Variants in ARHGEF4 observed in about 807,000 individuals in gnomAD.
ARHGEF4 encodes the protein Rho guanine nucleotide exchange factor 4.
In ARHGEF4, 119 loss-of-function variants were observed where a neutral mutation model predicts 162.0. The observed-to-expected ratio is 0.73, with a 90% CI of 0.63 to 0.86. The LOEUF (loss-of-function observed/expected upper bound fraction) is 0.86, where lower values mean the gene tolerates loss of function less well. Among genes scored for constraint, ARHGEF4 ranks in the 40% least tolerant of loss-of-function variants. ARHGEF4 has a pLI of 0.00. For synonymous variants in ARHGEF4, 1,014 were observed against 979.9 expected (o/e 1.03, Z -0.65); for missense variants, 2,488 against 2,456.0 (o/e 1.01, Z -0.28).
chr2:130,850,298 T>C (rs1353860290), intron 1 of ARHGEF4, among the ~76,000 whole-genome samples: 1 of 152,212 alleles, frequency 6.6e-6, no homozygotes, highest in African/African-American at 2.4e-5. Flanking sequence ...GCTGTGTCCC[T>C]GGTACCCCTC....
At chr2:130,906,390 A>G (rs1680813903) in intron 1 of ARHGEF4, among the ~76,000 whole-genome samples, 1 of 152,222 alleles carries the variant, frequency 6.6e-6, no homozygotes, top group South Asian at 2.1e-4. Flanking sequence ...CTGCCTATTG[A>G]TCTGTGTGTG....
At chr2:130,856,498 G>A (rs1161887878) in intron 1 of ARHGEF4, among the ~76,000 whole-genome samples, 2 of 152,190 alleles carry the variant, frequency 1.3e-5, no homozygotes, top group African/African-American at 2.4e-5. Flanking sequence ...AAATTCCTCA[G>A]GCTGAGAGCA....
chr2:130,918,800 C>CG (rs753471881), intron 2 of ARHGEF4, among the ~76,000 whole-genome samples: 7 of 152,316 alleles, frequency 4.6e-5, no homozygotes, highest in Middle Eastern at 3.4e-3. Flanking sequence ...TGTATCTCTA[C>CG]GCAGTTAAAC....
Position 131,038,833 on chromosome 2 carries a change from G to A in ARHGEF4, c.4126-20G>A. 1.3e-6 allele frequency: 2 copies of A among 1,590,264 alleles called. No homozygotes were observed. The highest frequency in any genetic ancestry group is 1.1e-5 in the South Asian group (1 of 89,210). On this transcript the variant is annotated intron_variant, in intron 5 of 13. Coordinates refer to ENST00000409359, the MANE Select transcript of ARHGEF4 (RefSeq NM_001367493.1). Reference sequence around the variant, plus strand: ...GGCAGCCTCCCCCACTGACCCGCCTGCCCGTGGCTCTCTCGGCAGCTCATC... The same window carrying A: ...GGCAGCCTCCCCCACTGACCCGCCTACCCGTGGCTCTCTCGGCAGCTCATC...
At chr2:131,011,568 C>T (rs1337577605) in intron 4 of ARHGEF4, 1 of 1,460,958 alleles carries the variant, frequency 6.8e-7, no homozygotes, top group Non-Finnish European at 9.1e-7. Flanking sequence ...CCATATCAGC[C>T]ACTTTGGACA....
At chr2:131,008,661 T>C (rs1688274905) in intron 4 of ARHGEF4, among the ~76,000 whole-genome samples, 1 of 152,186 alleles carries the variant, frequency 6.6e-6, no homozygotes, top group African/African-American at 2.4e-5. Flanking sequence ...AATCCTATCT[T>C]TATTATTGGC....
At chr2:130,848,626 C>T (rs1259247114) in intron 1 of ARHGEF4, among the ~76,000 whole-genome samples, 1 of 152,202 alleles carries the variant, frequency 6.6e-6, no homozygotes, top group Non-Finnish European at 1.5e-5. Context: ...GAGGACAGCG[C>T]TTGAGTGATC....
At position 130,946,621 on chromosome 2, in the gene ARHGEF4, A is replaced by G. The variant is rs1280796278; in HGVS notation, c.3971A>G (p.His1324Arg). 1 of 1,614,066 alleles carries G rather than the reference A, an allele frequency of 6.2e-7. No individual in the cohort carries two copies. Among genetic ancestry groups the G allele is most frequent in the Non-Finnish European group, 8.5e-7 (1 of 1,179,956 alleles). ...CTGAACCACATGGGCTGGCCAGAGC[A>G]CACACCAGGCACTGGTGAGTTACGC... ...TGLNHMGWPE[H>R]TPGTAMPDGA... The change falls in exon 4 of 14, where the codon CAC becomes CGC. Residue 1324 changes from histidine to arginine, a missense_variant. By Grantham distance (29) the His-to-Arg change is conservative. This residue lies in a region of ARHGEF4 where 1,642 missense variants were observed against 1,481.5 expected (regional missense o/e 1.11). Coordinates refer to ENST00000409359, the MANE Select transcript of ARHGEF4 (RefSeq NM_001367493.1).
At chr2:131,012,866 C>T (rs1688547550) in intron 4 of ARHGEF4, among the ~76,000 whole-genome samples, 1 of 152,200 alleles carries the variant, frequency 6.6e-6, no homozygotes, top group South Asian at 2.1e-4. Flanking sequence ...GAGGCGTGAG[C>T]CACCGCGCCT....
chr2:131,045,483 G>A (rs201451510), intron 13 of ARHGEF4, 37 bp downstream of exon 13: 30 of 1,613,570 alleles, frequency 1.9e-5, no homozygotes, highest in Non-Finnish European at 2.3e-5. Context: ...CGGCTGCCCG[G>A]TCCTTACCCT....
chr2:130,993,479 G>T (rs1361054767), intron 4 of ARHGEF4, among the ~76,000 whole-genome samples: 2 of 151,990 alleles, frequency 1.3e-5, no homozygotes, highest in Non-Finnish European at 2.9e-5. Flanking sequence ...ATTTCATTTA[G>T]GTCAAATCTC....
intron 4 of ARHGEF4, among the ~76,000 whole-genome samples, chr2:130,998,809 C>T (rs534372404): frequency 8.2e-4 from 125 of 152,274 alleles, no homozygotes; most frequent in African/African-American, 2.8e-3. Flanking sequence ...AACATGTTTT[C>T]GACTCGTTTG....
rs1297667715 is a variant in ARHGEF4 at position 130,916,025 on chromosome 2, A to T, written c.2079A>T (p.Ala693=). The T allele has an allele frequency of 6.4e-7, 1 of 1,550,482 alleles. No individual in the cohort carries two copies. ...CCGGTAATGAGTGTGAGTTGCCAGC[A>T]GCCCCCATACAGGGAGCTGGCGATG... ...TPAGNECELP[A]APIQGAGDGA... Residue 693 remains alanine, a synonymous_variant, in exon 2 of 14, where the codon GCA becomes GCT. Coordinates refer to ENST00000409359, the MANE Select transcript of ARHGEF4 (RefSeq NM_001367493.1).
intron 10 of ARHGEF4, 62 bp downstream of exon 10, chr2:131,042,006 T>A (rs1690854077): frequency 1.3e-6 from 2 of 1,562,950 alleles, no homozygotes; most frequent in South Asian, 2.4e-5. Flanking sequence ...AAAATCATGC[T>A]TGCCCCTGAA....
intron 1 of ARHGEF4, among the ~76,000 whole-genome samples, chr2:130,911,743 C>T (rs992951753): frequency 1.3e-5 from 2 of 152,114 alleles, no homozygotes; most frequent in Non-Finnish European, 2.9e-5. Flanking sequence ...GCCAAAATAA[C>T]CTGGAACTCA....
intron 1 of ARHGEF4, among the ~76,000 whole-genome samples, chr2:130,850,205 C>A (rs1480935309): frequency 3.3e-5 from 5 of 152,168 alleles, no homozygotes; most frequent in Admixed American, 3.3e-4. Flanking sequence ...AGGGAGGGGG[C>A]AGCCTCTCTA....
Position 130,838,960 on chromosome 2 carries a change from G to A in ARHGEF4, c.39+1968G>A, listed in dbSNP as rs78911378. On this transcript the variant is annotated intron_variant, in intron 1 of 13. Coordinates refer to ENST00000409359, the MANE Select transcript of ARHGEF4 (RefSeq NM_001367493.1). Reference sequence around the variant, plus strand: ...TGTGAAAGTATTCCTGACACACACGGTCCTCCAGTTCCCCATCTATTCAGA... The same window carrying A: ...TGTGAAAGTATTCCTGACACACACGATCCTCCAGTTCCCCATCTATTCAGA... Among the ~76,000 whole-genome samples the A allele has an allele frequency of 8.2e-3, 1,249 of 152,226 alleles. 14 individuals carry two copies. Among genetic ancestry groups the A allele is most frequent in the African/African-American group, 0.027 (1,110 of 41,534 alleles).
rs1250491923 is a variant in ARHGEF4, at chr2:131,040,117, G to A, written c.4407G>A (p.Gln1469=). 1 of 1,612,990 alleles carries A rather than the reference G, an allele frequency of 6.2e-7. No individual in the cohort carries two copies. The highest frequency in any genetic ancestry group is 8.5e-7 in the Non-Finnish European group (1 of 1,179,626). ...GGAEAQSSKD[Q]MRTNVINEIL... ...CGGAGGCGCAGAGCAGCAAGGACCA[G>A]ATGCGGACCAACGTCATCAACGAGA... Residue 1469 remains glutamine, a synonymous_variant, in exon 7 of 14, where the codon CAG becomes CAA. Coordinates refer to ENST00000409359, the MANE Select transcript of ARHGEF4 (RefSeq NM_001367493.1).
intron 1 of ARHGEF4, among the ~76,000 whole-genome samples, chr2:130,880,631 C>T (rs1029905415): frequency 1.3e-5 from 2 of 152,180 alleles, no homozygotes; most frequent in African/African-American, 4.8e-5. Flanking sequence ...AGCTCCTGGA[C>T]TCAAATGATC....
Sources: allele counts gnomAD v4.1 joint callset (sites outside exome capture counted in the v4.1 genomes callset), GRCh38; gene constraint gnomAD v4.1.1; regional missense constraint gnomAD v4.1.1; transcripts MANE v1.5; gene names NCBI Gene and HGNC (gene_info 2026-07-23, HGNC 2026-07-21).